GRM7: variants seen among roughly 807,000 people sequenced by gnomAD.
GRM7 encodes the protein glutamate metabotropic receptor 7.
In GRM7, 35 loss-of-function variants were observed where a neutral mutation model predicts 84.5. The observed-to-expected ratio is 0.41, with a 90% CI of 0.32 to 0.55. The LOEUF (loss-of-function observed/expected upper bound fraction) is 0.55. Ranked by LOEUF, GRM7 falls within the 20% of genes least tolerant of loss-of-function variation. The pLI, the probability that GRM7 is intolerant of heterozygous loss-of-function variation, is 0.19. For synonymous variants in GRM7, 487 were observed against 455.1 expected, an observed-to-expected ratio of 1.07 and a Z score of -0.89; for missense variants, 1,003 against 1,194.6, an observed-to-expected ratio of 0.84 and a Z score of 2.36.
intron 9 of GRM7, among the ~76,000 whole-genome samples, chr3:7,690,111 A>G (rs2125150043): frequency 6.6e-6 from 1 of 152,298 alleles, no homozygotes; most frequent in South Asian, 2.1e-4. Flanking sequence ...CTGCAGTACA[A>G]GAGAATGTGA....
At chr3:6,882,694 A>G (rs1199824673) in intron 1 of GRM7, among the ~76,000 whole-genome samples, 1 of 152,242 alleles carries the variant, frequency 6.6e-6, no homozygotes, top group Non-Finnish European at 1.5e-5. Flanking sequence ...TAATTATTAG[A>G]CCAAACTATA....
chr3:7,165,258 C>T (rs1377692858), intron 2 of GRM7, among the ~76,000 whole-genome samples: 1 of 152,176 alleles, frequency 6.6e-6, no homozygotes, highest in Non-Finnish European at 1.5e-5. Context: ...CTTCAATTAT[C>T]CCAGAATTAA....
intron 4 of GRM7, among the ~76,000 whole-genome samples, chr3:7,410,934 C>A (rs932648107): frequency 2.0e-5 from 3 of 152,098 alleles, no homozygotes; most frequent in African/African-American, 7.2e-5. Flanking sequence ...GGCCAGAAAT[C>A]CAAAGTCAAG....
intron 4 of GRM7, among the ~76,000 whole-genome samples, chr3:7,356,882 G>T (rs1693430062): frequency 1.4e-5 from 2 of 144,300 alleles, no homozygotes; most frequent in African/African-American, 2.6e-5. Flanking sequence ...TCATCCTCCA[G>T]CTTGTAGACA....
At chr3:6,925,204 A>G (rs941839234) in intron 1 of GRM7, among the ~76,000 whole-genome samples, 1 of 152,172 alleles carries the variant, frequency 6.6e-6, no homozygotes, top group Non-Finnish European at 1.5e-5. Context: ...GGCATTTAAT[A>G]GTTTGTCTTC....
intron 2 of GRM7, among the ~76,000 whole-genome samples, chr3:7,199,900 G>A (rs768543001): frequency 6.6e-6 from 1 of 152,152 alleles, no homozygotes; most frequent in Non-Finnish European, 1.5e-5. Flanking sequence ...GGTCCATTTT[G>A]TGTTGCTATA....
intron 4 of GRM7, among the ~76,000 whole-genome samples, chr3:7,346,565 G>C (rs1171575715): frequency 6.6e-6 from 1 of 152,080 alleles, no homozygotes; most frequent in Non-Finnish European, 1.5e-5. Context: ...GGGATGCCTA[G>C]CTATAACTGC....
Position 7,306,522 on chromosome 3 carries a change from A to G in GRM7, c.903A>G (p.Arg301=). 1 of 1,613,926 alleles carries G rather than the reference A, an allele frequency of 6.2e-7. No individual in the cohort carries two copies. The highest frequency in any genetic ancestry group is 8.5e-7 in the Non-Finnish European group (1 of 1,179,854). Residue 301 remains arginine, a synonymous_variant, in exon 4 of 10, where the codon AGA becomes AGG. Coordinates refer to ENST00000357716, the MANE Select transcript of GRM7 (RefSeq NM_000844.4). The part of the protein sequence containing the change: ...DIKQILAAAK[R]ADQVGHFLWV... The stretch of plus-strand genomic sequence containing the variant: ...GGCAGATCCTTGCAGCAGCCAAAAG[A>G]GCTGACCAAGTTGGCCATTTTCTTT...
rs561306819 is a variant in GRM7, at chr3:7,486,057, T to G, written c.1515+24335T>G. Among the ~76,000 whole-genome samples the G allele has an allele frequency of 6.6e-6, 1 of 152,322 alleles. No homozygotes were observed. The highest frequency in any genetic ancestry group is 6.5e-5 in the Admixed American group (1 of 15,294). The stretch of plus-strand genomic sequence containing the variant: ...TTTACATACCACATCTTATAGAAGT[T>G]GAGATAAACTTTAAAGTTCTTCAAA... On this transcript the variant is annotated intron_variant, in intron 7 of 9. Coordinates refer to ENST00000357716, the MANE Select transcript of GRM7 (RefSeq NM_000844.4). The surrounding 1 kb of genome is among the most constrained non-coding windows in gnomAD (Gnocchi z 5.5).
At chr3:6,871,380 T>G (rs986055789) in intron 1 of GRM7, among the ~76,000 whole-genome samples, 2 of 152,088 alleles carry the variant, frequency 1.3e-5, no homozygotes, top group Non-Finnish European at 2.9e-5. Context: ...TAGTTGAAAA[T>G]TTGTCATCAC....
intron 7 of GRM7, among the ~76,000 whole-genome samples, chr3:7,474,477 C>T (rs562780649): frequency 1.8e-4 from 27 of 150,036 alleles, no homozygotes; most frequent in Non-Finnish European, 2.8e-4. Flanking sequence ...AGAGTAGTAA[C>T]CCCCCACCAA....
intron 1 of GRM7, among the ~76,000 whole-genome samples, chr3:6,986,500 G>A (rs778953816): frequency 6.6e-6 from 1 of 152,112 alleles, no homozygotes; most frequent in Non-Finnish European, 1.5e-5. Context: ...TCTTGAAATG[G>A]ATTGTTTTCC....
intron 2 of GRM7, among the ~76,000 whole-genome samples, chr3:7,252,667 T>TTTTCC (rs1698036204): frequency 8.6e-6 from 1 of 115,974 alleles, no homozygotes; most frequent in Non-Finnish European, 1.7e-5. Flanking sequence ...TTTTCTATTT[T>TTTTCC]TTTCTTTTCT....
intron 1 of GRM7, among the ~76,000 whole-genome samples, chr3:7,082,840 A>G (rs1257077891): frequency 1.3e-5 from 2 of 152,140 alleles, no homozygotes; most frequent in South Asian, 2.1e-4. Flanking sequence ...TGGAAATTGC[A>G]AGAGAACTAG....
intron 1 of GRM7, among the ~76,000 whole-genome samples, chr3:6,994,611 T>C (rs1240503273): frequency 6.6e-6 from 1 of 152,256 alleles, no homozygotes. Context: ...GTTGGTCAGA[T>C]GTTTATTCTG....
intron 9 of GRM7, among the ~76,000 whole-genome samples, chr3:7,697,412 T>A (rs1411446180): frequency 6.6e-6 from 1 of 152,092 alleles, no homozygotes; most frequent in Non-Finnish European, 1.5e-5. Flanking sequence ...GCTAAGAAAA[T>A]GATCCAAGGT....
At chr3:7,070,367 A>G (rs536001140) in intron 1 of GRM7, among the ~76,000 whole-genome samples, 255 of 152,250 alleles carry the variant, frequency 1.7e-3, no homozygotes, top group Middle Eastern at 3.4e-3. Context: ...CTCATAATCC[A>G]CATTCCATAT....
At chr3:7,677,806 G>T (rs186349543) in intron 8 of GRM7, among the ~76,000 whole-genome samples, 1 of 152,256 alleles carries the variant, frequency 6.6e-6, no homozygotes, top group Admixed American at 6.5e-5. Flanking sequence ...ACCAAAAGAC[G>T]CATGTACTCA....
At chr3:7,583,032 A>G (rs986138800) in intron 8 of GRM7, among the ~76,000 whole-genome samples, 3 of 152,192 alleles carry the variant, frequency 2.0e-5, no homozygotes, top group Non-Finnish European at 4.4e-5. Context: ...ACCTTTGGGA[A>G]TCAATTAACT....
Sources: allele counts gnomAD v4.1 joint callset (sites outside exome capture counted in the v4.1 genomes callset), GRCh38; gene constraint gnomAD v4.1.1; non-coding constraint Gnocchi (gnomAD v3.1); transcripts MANE v1.5; gene names NCBI Gene and HGNC (gene_info 2026-07-23, HGNC 2026-07-21).